AIRE: variants seen among roughly 807,000 people sequenced by gnomAD.
AIRE encodes the protein autoimmune polyendocrinopathy candidiasis ectodermal dystrophy protein.
A neutral mutation model predicts 62.1 loss-of-function variants in AIRE; 52 were observed. That is an observed-to-expected ratio of 0.84 (90% CI 0.67 to 1.06). The LOEUF (loss-of-function observed/expected upper bound fraction) is 1.06, where lower values mean the gene tolerates loss of function less well. Among genes scored for constraint, AIRE ranks in the 50% least tolerant of loss-of-function variants. The pLI is 0.00. For synonymous variants in AIRE, 342 were observed against 321.6 expected, an observed-to-expected ratio of 1.06 and a Z score of -0.68; for missense variants, 774 against 755.8, an observed-to-expected ratio of 1.02 and a Z score of -0.28.
At position 44,297,933 on chromosome 21, in the gene AIRE, AAGTCCCCGGG is replaced by A; in HGVS notation, c.*209_*218del. 1 of 594,258 alleles carries A rather than the reference AAGTCCCCGGG, an allele frequency of 1.7e-6. No homozygotes were observed. The highest frequency in any genetic ancestry group is 3.0e-6 in the Non-Finnish European group (1 of 328,528). The allele number at this position is 594,258 out of a possible 1,614,324, so 36.8% of individuals were successfully genotyped here. A position where few individuals can be genotyped will look rare whatever the true frequency, so the allele number is the denominator to read the frequency against. On this transcript the variant is annotated 3_prime_UTR_variant, in exon 14 of 14. Transcript: ENST00000291582. This position sits in a 1 kb window ranked among gnomAD's most constrained non-coding sequence, Gnocchi z 4.8. ...ACCCTGCCCCACTTCTCTACTCTGG[AAGTCCCCGGG>A]AGCCTCTCCTTGCCTGGTGACCTAC...
intron 5 of AIRE, 87 bp from the exon 6 acceptor site, chr21:44,289,570 T>A (rs1469961516): frequency 1.3e-6 from 2 of 1,576,166 alleles, no homozygotes; most frequent in Admixed American, 3.4e-5. Flanking sequence ...CACCTGTCTC[T>A]GCTAGACCCC....
At chr21:44,288,618 A>AG in intron 5 of AIRE, 160 bp downstream of exon 5, 2 of 618,812 alleles carry the variant, frequency 3.2e-6, no homozygotes, top group Non-Finnish European at 2.8e-6. Flanking sequence ...TTGGAGGAGG[A>AG]GGGTGAGCAC....
Position 44,286,399 on chromosome 21 carries a change from C to G in AIRE, c.133-158C>G, listed in dbSNP as rs1457753723. On this transcript the variant is annotated intron_variant, in intron 1 of 13. Coordinates refer to ENST00000291582, the MANE Select transcript of AIRE (RefSeq NM_000383.4). This position sits in a 1 kb window ranked among gnomAD's most constrained non-coding sequence, Gnocchi z 6.0. ...AGCCCCACCCTCAACACCCCTACAC[C>G]ACCACCTGACTCCACCACAAGCCGA... Among the ~76,000 whole-genome samples, 1 of 152,096 alleles carries G rather than the reference C, an allele frequency of 6.6e-6. No individual in the cohort carries two copies.
intron 8 of AIRE, among the ~76,000 whole-genome samples, chr21:44,291,660 G>A (rs1018257265): frequency 5.9e-5 from 9 of 152,104 alleles, no homozygotes; most frequent in Admixed American, 3.9e-4. Context: ...TAGTGGGGGC[G>A]GGAGGCCTCC....
At chr21:44,294,235 C>A in intron 11 of AIRE, 166 bp from the exon 12 acceptor site, 1 of 520,538 alleles carries the variant, frequency 1.9e-6, no homozygotes, top group East Asian at 3.2e-5. Context: ...AACCCAAACC[C>A]ACCCAAACCC....
intron 6 of AIRE, 42 bp downstream of exon 6, chr21:44,289,844 C>A (rs2040518501): frequency 1.2e-6 from 2 of 1,611,504 alleles, no homozygotes; most frequent in East Asian, 2.2e-5. Flanking sequence ...CTCTTGATGC[C>A]CCCCGCCCCA....
intron 5 of AIRE, chr21:44,289,283 C>T (rs1385141702): frequency 2.0e-5 from 6 of 295,934 alleles, no homozygotes; most frequent in Admixed American, 1.9e-4. Flanking sequence ...TCAGGACCCA[C>T]CGCTCCAGCC....
chr21:44,290,179 C>T, intron 7 of AIRE, 111 bp downstream of exon 7: 1 of 1,534,944 alleles, frequency 6.5e-7, no homozygotes. Flanking sequence ...GGGGCCTGAG[C>T]CCCTACCCAC....
Position 44,287,445 on chromosome 21 carries a change from G to C in AIRE, c.464-72G>C. On this transcript the variant is annotated intron_variant, in intron 3 of 13. Transcript: ENST00000291582. This position sits in a 1 kb window ranked among gnomAD's most constrained non-coding sequence, Gnocchi z 4.3. ...ACCGCCCCCTCCACGCCCTCCCACC[G>C]CGGGCCCCTGCCCACCGGCACTCAC... is the stretch of plus-strand genomic sequence containing the variant. The C allele has an allele frequency of 9.0e-7, 1 of 1,113,844 alleles. No individual in the cohort carries two copies. The highest frequency in any genetic ancestry group is 1.3e-6 in the Non-Finnish European group (1 of 752,050). The allele number at this position is 1,113,844 out of a possible 1,614,324, so 69.0% of individuals were successfully genotyped here. A position where few individuals can be genotyped will look rare whatever the true frequency, so the allele number is the denominator to read the frequency against.
chr21:44,287,550 C>G lies in AIRE; in HGVS notation c.497C>G (p.Pro166Arg). The G allele has an allele frequency of 6.4e-7, 1 of 1,559,262 alleles. No homozygotes were observed. Among genetic ancestry groups the G allele is most frequent in the Non-Finnish European group, 8.7e-7 (1 of 1,151,686 alleles). Residue 166 changes from proline (P) to arginine (R), a missense_variant, in exon 4 of 14, where the codon CCG becomes CGG. Physicochemically the swap from Pro to Arg is moderately radical, Grantham distance 103. Transcript: ENST00000291582. This position sits in a 1 kb window ranked among gnomAD's most constrained non-coding sequence, Gnocchi z 4.3. Reference protein sequence around the residue: ...SQLKAKPPKKPESSAEQQRLP... With the variant: ...SQLKAKPPKKRESSAEQQRLP... Reference sequence around the variant, plus strand: ...CTGAAGGCCAAGCCCCCCAAGAAGCCGGAGAGCAGCGCAGAGCAGCAGCGC... The same window carrying G: ...CTGAAGGCCAAGCCCCCCAAGAAGCGGGAGAGCAGCGCAGAGCAGCAGCGC...
chr21:44,290,367 A>G (rs1038344306), intron 7 of AIRE: 4 of 985,402 alleles, frequency 4.1e-6, no homozygotes, highest in South Asian at 4.7e-5. Context: ...CGCCCCTGCT[A>G]TAGCCAGGAG....
Position 44,297,801 on chromosome 21 carries a change from C to T in AIRE, c.*74C>T, listed in dbSNP as rs2040627034. The T allele has an allele frequency of 6.9e-7, 1 of 1,450,970 alleles. No homozygotes were observed. The highest frequency in any genetic ancestry group is 1.2e-5 in the South Asian group (1 of 85,658). 89.9% of individuals were successfully genotyped at this position (1,450,970 alleles called of 1,614,324 possible). ...ACACCTCCTTCCTCAGTCCTGGAAG[C>T]CGGCCGGCTGGGATCAAGAAGGGGA... On this transcript the variant is annotated 3_prime_UTR_variant, in exon 14 of 14. Coordinates refer to ENST00000291582, the MANE Select transcript of AIRE (RefSeq NM_000383.4). This position sits in a 1 kb window ranked among gnomAD's most constrained non-coding sequence, Gnocchi z 4.8.
At chr21:44,291,025 G>A in intron 7 of AIRE, 70 bp from the exon 8 acceptor site, 1 of 1,613,534 alleles carries the variant, frequency 6.2e-7, no homozygotes, top group South Asian at 1.1e-5. Flanking sequence ...GCTGTTTTGG[G>A]AAGGAGGTGG....
chr21:44,295,669 G>T (rs1320583892), intron 12 of AIRE, among the ~76,000 whole-genome samples: 4 of 152,162 alleles, frequency 2.6e-5, no homozygotes. Context: ...AAAAGTTCTG[G>T]CTGGCCTTGG....
chr21:44,292,167 C>T, intron 8 of AIRE, 135 bp from the exon 9 acceptor site: 2 of 760,260 alleles, frequency 2.6e-6, no homozygotes, highest in East Asian at 2.7e-5. Context: ...GTGTCTCTGC[C>T]CATCTCTCTG....
At chr21:44,290,569 G>A in intron 7 of AIRE, 1 of 735,332 alleles carries the variant, frequency 1.4e-6, no homozygotes. Context: ...CACCCGGGCT[G>A]GTGGGCGTCT....
At chr21:44,294,045 C>T (rs1302354325) in intron 11 of AIRE, 135 bp downstream of exon 11, 1 of 1,223,186 alleles carries the variant, frequency 8.2e-7, no homozygotes, top group South Asian at 1.4e-5. Flanking sequence ...CACCTTGCAC[C>T]CCACCCCACA....
In AIRE at chr21:44,297,257, C is replaced by T. The variant is rs543031027; in HGVS notation, c.1567-399C>T. On this transcript the variant is annotated intron_variant, in intron 13 of 13. Coordinates refer to ENST00000291582, the MANE Select transcript of AIRE (RefSeq NM_000383.4). The surrounding 1 kb of genome is among the most constrained non-coding windows in gnomAD (Gnocchi z 4.8). ...CTGCTGGCATCGTGGGGCCCGTGGCCCCATCCTGTGGGAGCATCAGGCTCC... is the reference window on the plus strand; with the variant it reads ...CTGCTGGCATCGTGGGGCCCGTGGCTCCATCCTGTGGGAGCATCAGGCTCC... 2.0e-5 allele frequency among the ~76,000 whole-genome samples: 3 copies of T among 152,322 alleles called. No homozygotes were observed. In the East Asian group the frequency reaches 5.8e-4, roughly 29 times the overall value.
Position 44,286,145 on chromosome 21 carries a change from T to TCCCC in AIRE, c.132+8_132+11dup. On this transcript the variant is annotated splice_region_variant and intron_variant, in intron 1 of 13. Transcript: ENST00000291582. The surrounding 1 kb of genome is among the most constrained non-coding windows in gnomAD (Gnocchi z 6.0). ...CCCCGAGGACAAGTTTCAGGTGGGC[T>TCCCC]CCCCGCCCGCCCCCCGCTGCCCCCA... 2 of 1,545,192 alleles carry TCCCC rather than the reference T, an allele frequency of 1.3e-6. No individual in the cohort carries two copies. The highest frequency in any genetic ancestry group is 8.7e-7 in the Non-Finnish European group (1 of 1,145,792).
Sources: allele counts gnomAD v4.1 joint callset (sites outside exome capture counted in the v4.1 genomes callset), GRCh38; gene constraint gnomAD v4.1.1; non-coding constraint Gnocchi (gnomAD v3.1); transcripts MANE v1.5; gene names NCBI Gene and HGNC (gene_info 2026-07-23, HGNC 2026-07-21).